OR2L13: variants seen among roughly 807,000 people sequenced by gnomAD.
OR2L13 encodes the protein olfactory receptor family 2 subfamily L member 13.
A neutral mutation model predicts 15.3 loss-of-function variants in OR2L13; 14 were observed. The ratio of observed to expected loss-of-function variants is 0.91; its 90% CI spans 0.60 to 1.43. The LOEUF is 1.43. Ranked by LOEUF, OR2L13 falls within the 40% of genes most tolerant of loss-of-function variation. OR2L13 has a pLI of 0.00. For missense variants in OR2L13, 367 were observed against 387.9 expected, an observed-to-expected ratio of 0.95 and a Z score of 0.45; for synonymous variants, 152 against 142.9, an observed-to-expected ratio of 1.06 and a Z score of -0.45.
At chr1:248,058,907 A>T in the OR2L13 span, among the ~76,000 whole-genome samples, 1 of 151,894 alleles carries the variant, frequency 6.6e-6, no homozygotes, top group Admixed American at 6.6e-5. Flanking sequence ...GATTTTTCTT[A>T]CTTTGCCTTT....
chr1:247,977,017 CTTTATA>C, the OR2L13 span, among the ~76,000 whole-genome samples: 1 of 151,892 alleles, frequency 6.6e-6, no homozygotes, highest in African/African-American at 2.4e-5. Flanking sequence ...TCAACTTTAT[CTTTATA>C]TTCTACTCTC....
the OR2L13 span, among the ~76,000 whole-genome samples, chr1:248,089,133 C>T: frequency 2.0e-5 from 3 of 152,104 alleles, no homozygotes; most frequent in South Asian, 2.1e-4. Flanking sequence ...CACAACTACT[C>T]TGCTTCAGGT....
the OR2L13 span, chr1:248,023,185 G>A: frequency 1.0e-5 from 2 of 199,046 alleles, no homozygotes; most frequent in Non-Finnish European, 2.1e-5. Context: ...ATATCATTCA[G>A]CATAATAGTT....
the OR2L13 span, among the ~76,000 whole-genome samples, chr1:248,078,338 G>A: frequency 6.6e-6 from 1 of 151,892 alleles, no homozygotes; most frequent in Admixed American, 6.6e-5. Flanking sequence ...AAAATTAGCT[G>A]GGCGTGGTGA....
the OR2L13 span, chr1:247,975,389 C>T: frequency 1.6e-6 from 1 of 640,440 alleles, no homozygotes; most frequent in South Asian, 1.6e-5. Context: ...GTTCTCCTTA[C>T]TGTCTACCAC....
At chr1:247,980,148 T>C in the OR2L13 span, among the ~76,000 whole-genome samples, 1 of 152,160 alleles carries the variant, frequency 6.6e-6, no homozygotes, top group Non-Finnish European at 1.5e-5. Context: ...CTCTTTGGCA[T>C]AAAAATTTAA....
chr1:248,090,686 T>C (rs1483815212), upstream of OR2L13, among the ~76,000 whole-genome samples: 4 of 152,190 alleles, frequency 2.6e-5, no homozygotes, highest in African/African-American at 7.2e-5. Context: ...CAATCTACTA[T>C]TGATGGGCAT....
At chr1:248,003,805 C>T in the OR2L13 span, 1 of 1,613,696 alleles carries the variant, frequency 6.2e-7, no homozygotes, top group Non-Finnish European at 8.5e-7. Context: ...TTGCTGTCTA[C>T]CACATGAAAT....
At chr1:248,003,987 C>T in the OR2L13 span, 1 of 1,613,944 alleles carries the variant, frequency 6.2e-7, no homozygotes, top group African/African-American at 1.3e-5. Context: ...ATGCTCAACC[C>T]CATCATCTAT....
At chr1:248,039,784 C>A in the OR2L13 span, 5 of 152,156 alleles carry the variant, frequency 3.3e-5, no homozygotes, top group African/African-American at 1.2e-4. Context: ...ATTACTGAAT[C>A]TAATTGAATA....
chr1:248,081,192 T>C, the OR2L13 span, among the ~76,000 whole-genome samples: 9,685 of 152,240 alleles, frequency 0.064, 330 homozygotes, highest in East Asian at 0.12. Flanking sequence ...AGTAGAAACA[T>C]CTGCAAATTG....
chr1:247,980,399 G>T, the OR2L13 span, among the ~76,000 whole-genome samples: 1 of 152,046 alleles, frequency 6.6e-6, no homozygotes, highest in East Asian at 1.9e-4. Context: ...AAAACTTACT[G>T]CCAGTATAAA....
the OR2L13 span, among the ~76,000 whole-genome samples, chr1:248,053,934 G>A: frequency 6.6e-6 from 1 of 151,944 alleles, no homozygotes; most frequent in African/African-American, 2.4e-5. Flanking sequence ...GATAGTTTTG[G>A]TTGCTGTGTA....
chr1:248,004,130 A>G, the OR2L13 span: 3 of 1,330,322 alleles, frequency 2.3e-6, no homozygotes, highest in Non-Finnish European at 3.0e-6. Flanking sequence ...GTGTATAGTA[A>G]TTAAAATATC....
At chr1:248,028,688 A>T in the OR2L13 span, among the ~76,000 whole-genome samples, 1 of 152,184 alleles carries the variant, frequency 6.6e-6, no homozygotes, top group Admixed American at 6.5e-5. Flanking sequence ...ACGTCCAGGA[A>T]ACTCTCAGGA....
the OR2L13 span, chr1:247,949,240 C>G: frequency 6.2e-7 from 1 of 1,614,076 alleles, no homozygotes; most frequent in African/African-American, 1.3e-5. Context: ...ATTTGCTTTC[C>G]TCTCCACTAT....
At chr1:248,100,371 T>C in exon 3 of OR2L13, 3 of 970,120 alleles carry the variant, frequency 3.1e-6, no homozygotes, top group East Asian at 4.9e-5. Context: ...TCCAACACGC[T>C]AGAGCAGGGT....
At chr1:248,061,037 A>G in the OR2L13 span, 2 of 1,614,108 alleles carry the variant, frequency 1.2e-6, no homozygotes, top group Non-Finnish European at 1.7e-6. Flanking sequence ...TCTATGGCCT[A>G]TGATCGTTAC....
chr1:247,967,239 G>GT, the OR2L13 span, among the ~76,000 whole-genome samples: 8 of 151,572 alleles, frequency 5.3e-5, no homozygotes, highest in Admixed American at 6.6e-5. Flanking sequence ...TTGTTTTTTT[G>GT]TTTTTTTGAG....
Sources: gnomAD v4.1 joint callset for allele counts (sites outside exome capture counted in the v4.1 genomes callset) on GRCh38, gnomAD v4.1.1 for gene constraint, MANE v1.5 for transcripts, NCBI Gene and HGNC (gene_info 2026-07-23, HGNC 2026-07-21) for gene names.